The following COL26A1 variants were observed in gnomAD, a reference collection of about 807,000 sequenced individuals.
COL26A1 encodes the protein collagen alpha-1(XXVI) chain.
In COL26A1, 41 loss-of-function variants were observed where a neutral mutation model predicts 59.3. That is an observed-to-expected ratio of 0.69 (90% CI 0.54 to 0.90). The LOEUF (loss-of-function observed/expected upper bound fraction) is 0.90, where lower values mean the gene tolerates loss of function less well. COL26A1 is among the 40% of genes least tolerant of loss of function. The probability of loss-of-function intolerance (pLI) is 0.00; values close to 1 mark genes in which losing one functional copy is unlikely to be tolerated. For synonymous variants in COL26A1, 266 were observed against 256.0 expected (o/e 1.04, Z -0.37); for missense variants, 612 against 602.3 (o/e 1.02, Z -0.17).
At chr7:101,471,575 T>G (rs6970542) in intron 3 of COL26A1, among the ~76,000 whole-genome samples, 10,265 of 83,850 alleles carry the variant, frequency 0.12, 490 homozygotes, top group African/African-American at 0.16. Flanking sequence ...TTGTTTGTTT[T>G]TTTTTTTTTT....
chr7:101,407,848 C>A (rs1189787120), intron 1 of COL26A1, among the ~76,000 whole-genome samples: 3 of 152,100 alleles, frequency 2.0e-5, no homozygotes, highest in Admixed American at 2.0e-4. Context: ...CCGGAAGTTA[C>A]CACTTAATCA....
intron 2 of COL26A1, among the ~76,000 whole-genome samples, chr7:101,437,448 G>C (rs1469744172): frequency 6.6e-6 from 1 of 150,466 alleles, no homozygotes; most frequent in African/African-American, 2.5e-5. Context: ...ATTCTGAATC[G>C]GGCGGAGTTC....
At chr7:101,459,530 G>A (rs536303643) in intron 3 of COL26A1, among the ~76,000 whole-genome samples, 5 of 146,560 alleles carry the variant, frequency 3.4e-5, no homozygotes, top group East Asian at 4.1e-4. Context: ...GGATGGTCTC[G>A]ATCTCCTGAC....
intron 1 of COL26A1, among the ~76,000 whole-genome samples, chr7:101,384,588 TG>T (rs2117036607): frequency 6.6e-6 from 1 of 152,272 alleles, no homozygotes; most frequent in South Asian, 2.1e-4. Flanking sequence ...CCCAGTGTGT[TG>T]GGATTACAGG....
At chr7:101,369,308 G>A (rs1453918896) in intron 1 of COL26A1, among the ~76,000 whole-genome samples, 1 of 151,810 alleles carries the variant, frequency 6.6e-6, no homozygotes, top group Non-Finnish European at 1.5e-5. Flanking sequence ...TTAGGAGGCT[G>A]AGGCAGGAGA....
intron 2 of COL26A1, among the ~76,000 whole-genome samples, chr7:101,433,950 G>A (rs532462608): frequency 2.6e-5 from 4 of 151,472 alleles, no homozygotes; most frequent in Admixed American, 6.6e-5. Flanking sequence ...AAATGAATGC[G>A]TTCATCTTCT....
chr7:101,420,708 A>ACCAGCCCCTCCCTCTCC, intron 2 of COL26A1, among the ~76,000 whole-genome samples: 1 of 60,744 alleles, frequency 1.6e-5, no homozygotes, highest in Non-Finnish European at 3.4e-5. Context: ...CACACCCCTC[A>ACCAGCCCCTCCCTCTCC]CCAGCCCCTC....
chr7:101,483,959 C>T lies in COL26A1; in HGVS notation c.385+36172C>T, dbSNP rs75440796. 3.6e-3 allele frequency among the ~76,000 whole-genome samples: 537 copies of T among 150,926 alleles called. 2 individuals are homozygous for T. The highest frequency in any genetic ancestry group is 6.3e-3 in the Non-Finnish European group (430 of 67,816). ...AAAGTGCTGGGATTACAGGCATGAG[C>T]CACTGCACCTGGCCCCAGCTAACTT... On this transcript the variant is annotated intron_variant, in intron 3 of 12. Transcript: ENST00000313669.
At chr7:101,533,319 T>A (rs565555875) in intron 4 of COL26A1, among the ~76,000 whole-genome samples, 176 bp downstream of exon 4, 1 of 152,064 alleles carries the variant, frequency 6.6e-6, no homozygotes, top group South Asian at 2.1e-4. Context: ...TGGCTCTGGG[T>A]GGCCTTCTTG....
chr7:101,463,869 T>TCTTTTTTCTTTTCTTTCTTTCTTTCTTTC (rs1793688674), intron 3 of COL26A1, among the ~76,000 whole-genome samples: 1 of 91,732 alleles, frequency 1.1e-5, no homozygotes, highest in South Asian at 4.1e-4. Flanking sequence ...CTCTTTTTTC[T>TCTTTTTTCTTTTCTTTCTTTCTTTCTTTC]TTTCTTTCTT....
At chr7:101,492,142 A>G (rs1794474648) in intron 3 of COL26A1, among the ~76,000 whole-genome samples, 2 of 152,182 alleles carry the variant, frequency 1.3e-5, no homozygotes, top group South Asian at 2.1e-4. Flanking sequence ...TAAGAGGGTG[A>G]GAACTGAATC....
At chr7:101,371,221 T>G (rs563260793) in intron 1 of COL26A1, among the ~76,000 whole-genome samples, 111 of 152,316 alleles carry the variant, frequency 7.3e-4, no homozygotes, top group African/African-American at 2.6e-3. Context: ...CCTGGTGGCC[T>G]GCATGGAGGA....
chr7:101,420,134 C>G (rs548991005), intron 2 of COL26A1, 35 bp downstream of exon 2: 2 of 1,606,256 alleles, frequency 1.2e-6, no homozygotes, highest in African/African-American at 2.7e-5. Context: ...TCTGCCCTTC[C>G]CTCCCATTCC....
intron 1 of COL26A1, among the ~76,000 whole-genome samples, chr7:101,401,490 A>T (rs1791993857): frequency 6.6e-6 from 1 of 151,166 alleles, no homozygotes; most frequent in Admixed American, 6.6e-5. Context: ...GAAAAGGAAG[A>T]CTAGAAGAAG....
chr7:101,525,672 A>AT (rs761232174), intron 3 of COL26A1, among the ~76,000 whole-genome samples: 1 of 149,046 alleles, frequency 6.7e-6, no homozygotes, highest in Non-Finnish European at 1.5e-5. Flanking sequence ...AATTTTTTGT[A>AT]TTTTTAGTAG....
chr7:101,385,215 C>T lies in COL26A1; in HGVS notation c.158+22025C>T, dbSNP rs1225538735. 5.7e-5 allele frequency among the ~76,000 whole-genome samples: 5 copies of T among 87,510 alleles called. No individual in the cohort carries two copies. The South Asian group carries it at 9.6e-4, about 17-fold the overall frequency. The allele number at this position is 87,510 out of a possible 152,430, so 57.4% of individuals were successfully genotyped here. A position where few individuals can be genotyped will look rare whatever the true frequency, so the allele number is the denominator to read the frequency against. On this transcript the variant is annotated intron_variant, in intron 1 of 12. Coordinates refer to ENST00000313669, the MANE Select transcript of COL26A1 (RefSeq NM_001278563.3). Reference sequence around the variant, plus strand: ...TCCAATCAATTTGACACTATATATACACACACACACACACACTATATATAT... The same window carrying T: ...TCCAATCAATTTGACACTATATATATACACACACACACACACTATATATAT...
intron 1 of COL26A1, among the ~76,000 whole-genome samples, chr7:101,394,840 G>GT (rs1276782014): frequency 8.0e-6 from 1 of 125,454 alleles, no homozygotes; most frequent in Non-Finnish European, 1.7e-5. Flanking sequence ...CTGTAGATTT[G>GT]TTTCCATAAA....
chr7:101,513,865 G>A (rs1422225161), intron 3 of COL26A1, among the ~76,000 whole-genome samples: 2 of 152,154 alleles, frequency 1.3e-5, no homozygotes, highest in African/African-American at 2.4e-5. Context: ...CGACGGGCTG[G>A]TATTGGAAAT....
At chr7:101,364,156 G>A (rs1034994834) in intron 1 of COL26A1, among the ~76,000 whole-genome samples, 1 of 152,200 alleles carries the variant, frequency 6.6e-6, no homozygotes, top group Non-Finnish European at 1.5e-5. Flanking sequence ...TGCGGCTCCG[G>A]AGCCCGCATT....
Sources: gnomAD v4.1 joint callset for allele counts (sites outside exome capture counted in the v4.1 genomes callset) on GRCh38, gnomAD v4.1.1 for gene constraint, MANE v1.5 for transcripts, NCBI Gene and HGNC (gene_info 2026-07-23, HGNC 2026-07-21) for gene names.